ABAT: variants seen among roughly 807,000 people sequenced by gnomAD.
The protein encoded by ABAT is 4-aminobutyrate aminotransferase, mitochondrial.
ABAT carries 45 observed loss-of-function variants against 64.6 expected under a neutral mutation model. The observed-to-expected ratio is 0.70, with a 90% CI of 0.55 to 0.89. The LOEUF (loss-of-function observed/expected upper bound fraction) is 0.89, where lower values mean the gene tolerates loss of function less well. Ranked by LOEUF, ABAT falls within the 40% of genes least tolerant of loss-of-function variation. The probability of loss-of-function intolerance (pLI) is 0.00; values close to 1 mark genes in which losing one functional copy is unlikely to be tolerated. For missense variants in ABAT, 633 were observed against 658.4 expected (o/e 0.96, Z 0.42); for synonymous variants, 297 against 250.5 (o/e 1.19, Z -1.75).
At position 8,772,882 on chromosome 16, in the gene ABAT, G is replaced by A; in HGVS notation, c.919G>A (p.Asp307Asn). The A allele has an allele frequency of 6.2e-7, 1 of 1,613,984 alleles. No individual in the cohort carries two copies. The highest frequency in any genetic ancestry group is 8.5e-7 in the Non-Finnish European group (1 of 1,179,954). ...SEGGDNHASD[D>N]FFRKLRDIAR... ...GGGTGGAGACAACCACGCATCCGAT[G>A]ACTTCTTTCGGAAGCTGAGAGACAT... The change falls in exon 12 of 16, where the codon GAC becomes AAC. Residue 307 changes from aspartate (D) to asparagine (N), a missense_variant. Coordinates refer to ENST00000268251, the MANE Select transcript of ABAT (RefSeq NM_020686.6).
intron 1 of ABAT, among the ~76,000 whole-genome samples, chr16:8,732,900 C>T (rs1025785336): frequency 3.3e-5 from 5 of 150,434 alleles, no homozygotes; most frequent in Admixed American, 6.6e-5. Flanking sequence ...CCCTCACCTC[C>T]GGACGGGGCG....
At chr16:8,763,631 T>A (rs1209825591) in intron 6 of ABAT, among the ~76,000 whole-genome samples, 2 of 152,210 alleles carry the variant, frequency 1.3e-5, no homozygotes, top group Non-Finnish European at 2.9e-5. Context: ...CTCGAACTCC[T>A]GGCCTCAAGC....
In ABAT at chr16:8,764,040, G is replaced by C; in HGVS notation, c.367-29G>C. The stretch of plus-strand genomic sequence containing the variant: ...AGGGAGCTGGGTCAGGCCCCCAGAA[G>C]TCACCATTTGTCTCTTGCCCTTTTG... On this transcript the variant is annotated intron_variant, in intron 6 of 15. Coordinates refer to ENST00000268251, the MANE Select transcript of ABAT (RefSeq NM_020686.6). The surrounding 1 kb of genome is among the most constrained non-coding windows in gnomAD (Gnocchi z 4.2). The C allele has an allele frequency of 1.2e-6, 2 of 1,606,310 alleles. No individual in the cohort carries two copies. The highest frequency in any genetic ancestry group is 1.7e-6 in the Non-Finnish European group (2 of 1,173,086).
intron 1 of ABAT, among the ~76,000 whole-genome samples, chr16:8,725,399 C>A (rs67350881): frequency 0.077 from 11,730 of 152,184 alleles, 541 homozygotes; most frequent in South Asian, 0.13. Flanking sequence ...CCTGCCAACC[C>A]CTGATTTATT....
At chr16:8,696,385 G>A (rs899054552) in intron 1 of ABAT, among the ~76,000 whole-genome samples, 3 of 152,210 alleles carry the variant, frequency 2.0e-5, no homozygotes, top group Admixed American at 6.5e-5. Flanking sequence ...CACTTTGGGA[G>A]GCTGAGGCAG....
chr16:8,781,646 G>A lies in ABAT; in HGVS notation c.*216G>A. The A allele has an allele frequency of 1.6e-6, 1 of 642,148 alleles. No homozygotes were observed. The highest frequency in any genetic ancestry group is 3.1e-5 in the East Asian group (1 of 32,694). 39.8% of individuals were successfully genotyped at this position (642,148 alleles called of 1,614,324 possible). Reference sequence around the variant, plus strand: ...CCCTGCAGAGCCAATGGTGCACATTGGTTTAAGCCCAGAGATCCTGCTTGA... The same window carrying A: ...CCCTGCAGAGCCAATGGTGCACATTAGTTTAAGCCCAGAGATCCTGCTTGA... On this transcript the variant is annotated 3_prime_UTR_variant, in exon 16 of 16. Coordinates refer to ENST00000268251, the MANE Select transcript of ABAT (RefSeq NM_020686.6). This position sits in a 1 kb window ranked among gnomAD's most constrained non-coding sequence, Gnocchi z 4.5.
chr16:8,741,463 C>T (rs572596636), intron 2 of ABAT, among the ~76,000 whole-genome samples: 4 of 152,210 alleles, frequency 2.6e-5, no homozygotes, highest in Non-Finnish European at 4.4e-5. Context: ...TGAGCCTCAG[C>T]GTCTTCTTCT....
chr16:8,746,737 A>G (rs1003073864), intron 3 of ABAT, among the ~76,000 whole-genome samples: 2 of 152,106 alleles, frequency 1.3e-5, no homozygotes, highest in Admixed American at 6.5e-5. Context: ...AAAGAAGCCA[A>G]CGAGGGCATC....
chr16:8,700,093 T>C (rs538971034), intron 1 of ABAT, among the ~76,000 whole-genome samples: 1 of 152,266 alleles, frequency 6.6e-6, no homozygotes, highest in South Asian at 2.1e-4. Flanking sequence ...AGTGCTGGGA[T>C]TACAGGTGTG....
chr16:8,699,322 TA>T (rs148821458), intron 1 of ABAT, among the ~76,000 whole-genome samples: 11,015 of 152,096 alleles, frequency 0.072, 544 homozygotes, highest in Middle Eastern at 0.19. Context: ...TGCAGGGAAT[TA>T]TTTTTTTTAA....
chr16:8,750,140 A>C (rs1262818416), intron 4 of ABAT, among the ~76,000 whole-genome samples: 1 of 152,230 alleles, frequency 6.6e-6, no homozygotes, highest in Admixed American at 6.5e-5. Context: ...TACATATCTT[A>C]ACAGAATCGA....
chr16:8,746,185 T>A, intron 3 of ABAT, 87 bp downstream of exon 3: 1 of 970,160 alleles, frequency 1.0e-6, no homozygotes, highest in Non-Finnish European at 1.6e-6. Flanking sequence ...TAGGGACCTG[T>A]ATTGATTGTC....
intron 1 of ABAT, among the ~76,000 whole-genome samples, chr16:8,735,044 C>CT (rs1488583030): frequency 7.1e-5 from 3 of 42,456 alleles, no homozygotes; most frequent in Admixed American, 2.2e-4. Context: ...CCCATCTCTA[C>CT]TTAAAAAAAA....
At chr16:8,778,745 C>A (rs910159960) in intron 14 of ABAT, among the ~76,000 whole-genome samples, 14 of 151,416 alleles carry the variant, frequency 9.2e-5, no homozygotes, top group African/African-American at 3.2e-4. Flanking sequence ...CCACTGCACT[C>A]CAGCCAGGGC....
intron 1 of ABAT, among the ~76,000 whole-genome samples, chr16:8,710,964 G>T (rs2058058206): frequency 6.6e-6 from 1 of 152,154 alleles, no homozygotes; most frequent in African/African-American, 2.4e-5. Context: ...TACATAAAGC[G>T]CCATCGCATT....
intron 1 of ABAT, among the ~76,000 whole-genome samples, chr16:8,709,348 A>ATTTT (rs1485327403): frequency 6.9e-6 from 1 of 145,752 alleles, no homozygotes; most frequent in African/African-American, 2.7e-5. Flanking sequence ...TGTGACTCAC[A>ATTTT]TTTTTATTTA....
chr16:8,691,716 C>G (rs1396456304), intron 1 of ABAT, among the ~76,000 whole-genome samples: 2 of 152,108 alleles, frequency 1.3e-5, no homozygotes, highest in Non-Finnish European at 1.5e-5. Flanking sequence ...GCTGGGATTA[C>G]AGGTGTGAGC....
At position 8,743,444 on chromosome 16, in the gene ABAT, T is replaced by TATATATATATATATACAC. The variant is rs368568293; in HGVS notation, c.71-2556_71-2555insTATATATATATATACACA. 9.5e-3 allele frequency among the ~76,000 whole-genome samples: 1,113 copies of TATATATATATATATACAC among 117,590 alleles called. 46 individuals are homozygous for TATATATATATATATACAC. The highest frequency in any genetic ancestry group is 0.039 in the African/African-American group (1,031 of 26,738). The allele number at this position is 117,590 out of a possible 152,430, so 77.1% of individuals were successfully genotyped here. ...ACAGTTATATATATATATATATATA[T>TATATATATATATATACAC]ACACACATTTTATAATATATTATAT... On this transcript the variant is annotated intron_variant, in intron 2 of 15. Coordinates refer to ENST00000268251, the MANE Select transcript of ABAT (RefSeq NM_020686.6).
chr16:8,779,597 G>T lies in ABAT; in HGVS notation c.1381+7G>T. On this transcript the variant is annotated splice_region_variant and intron_variant, in intron 15 of 15. Transcript: ENST00000268251. ...TTAATTGCCAGAAACAAAGGTAAGG[G>T]GTCAGGAGTGGCTGCTGAGTTTCAT... is the stretch of plus-strand genomic sequence containing the variant. 6.2e-7 allele frequency: 1 copy of T among 1,609,652 alleles called. No individual in the cohort carries two copies. Among genetic ancestry groups the T allele is most frequent in the Non-Finnish European group, 8.5e-7 (1 of 1,176,480 alleles).
Sources: gnomAD v4.1 joint callset for allele counts (sites outside exome capture counted in the v4.1 genomes callset) on GRCh38, gnomAD v4.1.1 for gene constraint, Gnocchi (gnomAD v3.1) non-coding constraint, MANE v1.5 for transcripts, NCBI Gene and HGNC (gene_info 2026-07-23, HGNC 2026-07-21) for gene names.